Variants in MAPK10 observed in about 807,000 individuals in gnomAD.
MAPK10 encodes the protein JNK3 alpha protein kinase.
MAPK10 carries 25 observed loss-of-function variants against 59.3 expected under a neutral mutation model. The ratio of observed to expected loss-of-function variants is 0.42; its 90% CI spans 0.31 to 0.59. The LOEUF is 0.59. MAPK10 is among the 20% of genes least tolerant of loss of function. The probability of loss-of-function intolerance (pLI) is 0.15; values close to 1 mark genes in which losing one functional copy is unlikely to be tolerated. For synonymous variants in MAPK10, 190 were observed against 200.5 expected, an observed-to-expected ratio of 0.95 and a Z score of 0.44; for missense variants, 351 against 568.9, an observed-to-expected ratio of 0.62 and a Z score of 3.90.
At chr4:86,301,224 G>A (rs1223400846) in intron 2 of MAPK10, among the ~76,000 whole-genome samples, 1 of 152,026 alleles carries the variant, frequency 6.6e-6, no homozygotes, top group Admixed American at 6.6e-5. Flanking sequence ...CCCCAGTTGA[G>A]AACCAGGGCT....
intron 3 of MAPK10, chr4:86,164,586 G>A (rs1169517160): frequency 6.6e-6 from 1 of 151,326 alleles, no homozygotes. Context: ...AAAACAGGCA[G>A]TAGATAAGAT....
At chr4:86,094,268 A>G (rs367556035) in intron 9 of MAPK10, among the ~76,000 whole-genome samples, 2 of 152,106 alleles carry the variant, frequency 1.3e-5, no homozygotes, top group African/African-American at 4.8e-5. Flanking sequence ...TACTTTTGGA[A>G]AACCATTTAC....
intron 4 of MAPK10, among the ~76,000 whole-genome samples, chr4:86,122,609 C>T (rs1165792178): frequency 5.9e-5 from 9 of 152,044 alleles, no homozygotes; most frequent in Admixed American, 5.9e-4. Context: ...TTTTTGGCAC[C>T]CATTGAGTGG....
At chr4:86,570,681 G>A (rs1056303240) in intron 1 of MAPK10, among the ~76,000 whole-genome samples, 3 of 152,086 alleles carry the variant, frequency 2.0e-5, no homozygotes, top group Admixed American at 6.6e-5. Context: ...CCTATAACCT[G>A]AGAACTGAAG....
chr4:86,393,789 G>A (rs1742543405), intron 1 of MAPK10, among the ~76,000 whole-genome samples: 1 of 152,146 alleles, frequency 6.6e-6, no homozygotes, highest in African/African-American at 2.4e-5. Flanking sequence ...CAACAATAGA[G>A]ACCTGACTTG....
At chr4:86,544,880 TC>T (rs1256937947) in intron 1 of MAPK10, among the ~76,000 whole-genome samples, 2 of 151,580 alleles carry the variant, frequency 1.3e-5, no homozygotes, top group East Asian at 1.9e-4. Context: ...AAGGTTTTTT[TC>T]TTTTTTTTTT....
chr4:86,255,855 A>G (rs2093686172), intron 2 of MAPK10, among the ~76,000 whole-genome samples: 1 of 152,138 alleles, frequency 6.6e-6, no homozygotes, highest in African/African-American at 2.4e-5. Context: ...TTTCACCCCA[A>G]TAGAATGTAG....
intron 9 of MAPK10, chr4:86,089,174 C>G (rs539240480): frequency 1.9e-6 from 3 of 1,550,576 alleles, no homozygotes; most frequent in Admixed American, 1.7e-5. Context: ...AGAGTGACAC[C>G]CATAGATACC....
chr4:86,382,536 T>G (rs1487633630), intron 1 of MAPK10, among the ~76,000 whole-genome samples: 1 of 152,212 alleles, frequency 6.6e-6, no homozygotes, highest in Non-Finnish European at 1.5e-5. Flanking sequence ...ATATGGGCTG[T>G]GACTGCTTGT....
intron 4 of MAPK10, among the ~76,000 whole-genome samples, chr4:86,132,391 C>A (rs1332846479): frequency 6.6e-6 from 1 of 152,034 alleles, no homozygotes; most frequent in Non-Finnish European, 1.5e-5. Flanking sequence ...AATATATTTA[C>A]CTTATTGAGG....
intron 2 of MAPK10, among the ~76,000 whole-genome samples, chr4:86,266,965 A>G (rs2094265298): frequency 6.6e-6 from 1 of 152,084 alleles, no homozygotes; most frequent in African/African-American, 2.4e-5. Context: ...TGGTATAGAT[A>G]TGTATTTATG....
chr4:86,189,432 T>C (rs549580456), intron 3 of MAPK10, among the ~76,000 whole-genome samples: 15 of 152,342 alleles, frequency 9.8e-5, no homozygotes, highest in African/African-American at 3.4e-4. Context: ...CCTTCAGCCA[T>C]GTTTTGTAGT....
chr4:86,062,623 G>A (rs1383709118), intron 11 of MAPK10, among the ~76,000 whole-genome samples: 3 of 151,998 alleles, frequency 2.0e-5, no homozygotes, highest in Non-Finnish European at 4.4e-5. Context: ...ATGCCACATA[G>A]TGAGGCATAA....
chr4:86,276,720 T>C (rs1439071035), intron 2 of MAPK10, among the ~76,000 whole-genome samples: 2 of 152,152 alleles, frequency 1.3e-5, no homozygotes, highest in Non-Finnish European at 1.5e-5. Context: ...GTGTATTGAC[T>C]CCTTTATTCC....
intron 1 of MAPK10, among the ~76,000 whole-genome samples, chr4:86,491,199 C>T (rs533396691): frequency 1.3e-5 from 2 of 152,222 alleles, no homozygotes; most frequent in South Asian, 4.2e-4. Context: ...CAGACACAGG[C>T]AAAGGATACA....
intron 2 of MAPK10, among the ~76,000 whole-genome samples, chr4:86,204,041 G>T (rs1400916622): frequency 6.6e-6 from 1 of 151,808 alleles, no homozygotes; most frequent in African/African-American, 2.4e-5. Context: ...CCATCCATTA[G>T]TTTATAAATT....
chr4:86,532,221 C>T (rs1757908769), intron 1 of MAPK10, among the ~76,000 whole-genome samples: 1 of 151,972 alleles, frequency 6.6e-6, no homozygotes, highest in Non-Finnish European at 1.5e-5. Flanking sequence ...TTGTGCTTCA[C>T]ACTACAAGGG....
Position 86,012,540 on chromosome 4 carries a change from C to T in MAPK10, c.*4688G>A, listed in dbSNP as rs1250795545. The T allele has an allele frequency of 6.6e-6, 1 of 152,134 alleles. No individual in the cohort carries two copies. 9.4% of individuals were successfully genotyped at this position (152,134 alleles called of 1,614,324 possible). A position where few individuals can be genotyped will look rare whatever the true frequency, so the allele number is the denominator to read the frequency against. ...TTAATAATCCATAAGAAACAGAAAT[C>T]ATAATATATTGACTCCATATTACCT... On this transcript the variant is annotated 3_prime_UTR_variant, in exon 14 of 14. Transcript: ENST00000641462.
At chr4:86,390,650 G>A (rs1742069087) in intron 1 of MAPK10, among the ~76,000 whole-genome samples, 1 of 152,202 alleles carries the variant, frequency 6.6e-6, no homozygotes, top group Non-Finnish European at 1.5e-5. Context: ...CACTTTGAGA[G>A]TTGTTGAGGA....
Sources: gnomAD v4.1 joint callset for allele counts (sites outside exome capture counted in the v4.1 genomes callset) on GRCh38, gnomAD v4.1.1 for gene constraint, MANE v1.5 for transcripts, NCBI Gene and HGNC (gene_info 2026-07-23, HGNC 2026-07-21) for gene names.